The following PAK5 variants were observed in gnomAD, a reference collection of about 807,000 sequenced individuals.
The protein encoded by PAK5 is serine/threonine-protein kinase PAK 5.
In PAK5, 16 loss-of-function variants were observed where a neutral mutation model predicts 65.9. The ratio of observed to expected loss-of-function variants is 0.24; its 90% CI spans 0.16 to 0.37. PAK5 has a LOEUF of 0.37. Ranked by LOEUF, PAK5 falls within the 10% of genes least tolerant of loss-of-function variation. The probability of loss-of-function intolerance (pLI) is 1.00; values close to 1 mark genes in which losing one functional copy is unlikely to be tolerated. For missense variants in PAK5, 785 were observed against 903.9 expected, an observed-to-expected ratio of 0.87 and a Z score of 1.69; for synonymous variants, 371 against 354.9, an observed-to-expected ratio of 1.05 and a Z score of -0.51.
At chr20:9,635,134 T>C (rs143989309) in intron 3 of PAK5, among the ~76,000 whole-genome samples, 221 of 152,278 alleles carry the variant, frequency 1.5e-3, no homozygotes, top group Non-Finnish European at 2.4e-3. Flanking sequence ...ATATACACTC[T>C]TTCTTCTTTA....
chr20:9,620,998 G>A (rs1464446261), intron 3 of PAK5, among the ~76,000 whole-genome samples: 2 of 151,030 alleles, frequency 1.3e-5, no homozygotes, highest in African/African-American at 4.9e-5. Context: ...CAATGGCTCA[G>A]AACAGATTAA....
chr20:9,662,896 A>G (rs1425658589), intron 2 of PAK5, among the ~76,000 whole-genome samples: 2 of 152,184 alleles, frequency 1.3e-5, no homozygotes, highest in African/African-American at 2.4e-5. Context: ...AGCTAGTGGC[A>G]GATGCAGGAT....
intron 3 of PAK5, among the ~76,000 whole-genome samples, chr20:9,641,751 G>C (rs2047067077): frequency 6.6e-6 from 1 of 152,152 alleles, no homozygotes; most frequent in African/African-American, 2.4e-5. Flanking sequence ...GGCAGCTAAG[G>C]CCCGGCGAGA....
At chr20:9,549,700 G>C (rs1293517389) in intron 7 of PAK5, among the ~76,000 whole-genome samples, 1 of 152,142 alleles carries the variant, frequency 6.6e-6, no homozygotes, top group East Asian at 1.9e-4. Flanking sequence ...CTTCTGTTTT[G>C]TTCCTAATTA....
At chr20:9,629,116 C>T (rs2046887763) in intron 3 of PAK5, among the ~76,000 whole-genome samples, 1 of 152,124 alleles carries the variant, frequency 6.6e-6, no homozygotes, top group Non-Finnish European at 1.5e-5. Context: ...CCTGTCAAGC[C>T]TCTGGATGGG....
At chr20:9,664,418 A>T (rs542508286) in intron 2 of PAK5, among the ~76,000 whole-genome samples, 2 of 152,146 alleles carry the variant, frequency 1.3e-5, no homozygotes, top group African/African-American at 4.8e-5. Flanking sequence ...CTAAAATTCT[A>T]TGATTCTTAG....
At chr20:9,751,061 A>G (rs1397171691) in intron 1 of PAK5, among the ~76,000 whole-genome samples, 1 of 152,178 alleles carries the variant, frequency 6.6e-6, no homozygotes, top group Admixed American at 6.5e-5. Context: ...AAAATTACAA[A>G]TGTGCACTGC....
At chr20:9,798,297 T>C (rs1473581139) in intron 1 of PAK5, among the ~76,000 whole-genome samples, 2 of 152,230 alleles carry the variant, frequency 1.3e-5, no homozygotes, top group East Asian at 1.9e-4. Context: ...AATGTAAAGA[T>C]GGGAAATCCT....
At chr20:9,692,197 AC>A (rs35057745) in intron 2 of PAK5, among the ~76,000 whole-genome samples, 19,218 of 152,098 alleles carry the variant, frequency 0.13, 1,339 homozygotes, top group Non-Finnish European at 0.15. Context: ...AGATATCAGG[AC>A]CTGTTTCATC....
chr20:9,776,939 T>C (rs1307555987), intron 1 of PAK5, among the ~76,000 whole-genome samples: 1 of 152,112 alleles, frequency 6.6e-6, no homozygotes, highest in Non-Finnish European at 1.5e-5. Flanking sequence ...ATTAAATAGA[T>C]AAATAAAGAT....
intron 3 of PAK5, among the ~76,000 whole-genome samples, chr20:9,608,813 T>C (rs906891083): frequency 1.2e-4 from 18 of 152,240 alleles, no homozygotes; most frequent in African/African-American, 4.3e-4. Context: ...TGTTCTATTA[T>C]CAGCAGTAGA....
intron 1 of PAK5, among the ~76,000 whole-genome samples, chr20:9,790,602 C>T (rs1315273709): frequency 6.6e-6 from 1 of 152,102 alleles, no homozygotes; most frequent in Non-Finnish European, 1.5e-5. Flanking sequence ...AACTCCTGGG[C>T]TCAAGTGATC....
chr20:9,776,388 C>A (rs2048887187), intron 1 of PAK5, among the ~76,000 whole-genome samples: 1 of 152,124 alleles, frequency 6.6e-6, no homozygotes, highest in South Asian at 2.1e-4. Flanking sequence ...AAGCAGTAAC[C>A]CATTCCTTGC....
intron 1 of PAK5, among the ~76,000 whole-genome samples, chr20:9,802,749 T>G (rs1431427667): frequency 8.6e-5 from 13 of 151,166 alleles, no homozygotes; most frequent in Admixed American, 8.6e-4. Context: ...TTGTTCTGCA[T>G]CCCCCATTTT....
At chr20:9,753,382 T>C (rs1342855688) in intron 1 of PAK5, among the ~76,000 whole-genome samples, 11 of 152,198 alleles carry the variant, frequency 7.2e-5, no homozygotes. Context: ...GCATATAGTA[T>C]AATGTATTGT....
chr20:9,812,968 T>TA (rs1218476037), intron 1 of PAK5, among the ~76,000 whole-genome samples: 2 of 151,778 alleles, frequency 1.3e-5, no homozygotes, highest in African/African-American at 4.8e-5. Context: ...AAAATAAAAA[T>TA]AAAAAAGTTT....
intron 3 of PAK5, among the ~76,000 whole-genome samples, chr20:9,598,113 C>G (rs544744931): frequency 2.6e-5 from 4 of 152,302 alleles, no homozygotes; most frequent in East Asian, 3.9e-4. Context: ...TTTCCCTCCC[C>G]CCATGACAGG....
At position 9,838,729 on chromosome 20, in the gene PAK5, A is replaced by C. The variant is rs1600432110; in HGVS notation, c.-162+33T>G. The stretch of plus-strand genomic sequence containing the variant: ...GGCGCCTCTCCTCTCGCCGATACCC[A>C]CCCAGGCAGTCCCGACAGGCGCGCC... On this transcript the variant is annotated intron_variant, in intron 1 of 9. Coordinates refer to ENST00000353224, the MANE Select transcript of PAK5 (RefSeq NM_177990.4). The surrounding 1 kb of genome is among the most constrained non-coding windows in gnomAD (Gnocchi z 4.5). 2 of 152,102 alleles carry C rather than the reference A, an allele frequency of 1.3e-5. No homozygotes were observed. The allele number at this position is 152,102 out of a possible 1,614,324, so 9.4% of individuals were successfully genotyped here.
chr20:9,675,850 A>T (rs1192360050), intron 2 of PAK5, among the ~76,000 whole-genome samples: 5 of 152,244 alleles, frequency 3.3e-5, no homozygotes, highest in Admixed American at 3.3e-4. Flanking sequence ...GTTAGTCACA[A>T]GGCTATTTGG....
Sources: gnomAD v4.1 joint callset for allele counts (sites outside exome capture counted in the v4.1 genomes callset) on GRCh38, gnomAD v4.1.1 for gene constraint, Gnocchi (gnomAD v3.1) non-coding constraint, MANE v1.5 for transcripts, NCBI Gene and HGNC (gene_info 2026-07-23, HGNC 2026-07-21) for gene names.